Variants in RABGAP1L observed in about 807,000 individuals in gnomAD.
RABGAP1L encodes RAB GTPase activating protein 1 like.
RABGAP1L carries 63 observed loss-of-function variants against 137.7 expected under a neutral mutation model. That is an observed-to-expected ratio of 0.46 (90% CI 0.37 to 0.56). The LOEUF (loss-of-function observed/expected upper bound fraction) is 0.56, where lower values mean the gene tolerates loss of function less well. Ranked by LOEUF, RABGAP1L falls within the 20% of genes least tolerant of loss-of-function variation. The pLI, the probability that RABGAP1L is intolerant of heterozygous loss-of-function variation, is 0.00. For missense variants in RABGAP1L, 1,095 were observed against 1,244.0 expected, an observed-to-expected ratio of 0.88 and a Z score of 1.80; for synonymous variants, 431 against 433.7, an observed-to-expected ratio of 0.99 and a Z score of 0.08.
chr1:174,453,670 A>G (rs1655701488), intron 13 of RABGAP1L, among the ~76,000 whole-genome samples: 1 of 152,130 alleles, frequency 6.6e-6, no homozygotes, highest in Non-Finnish European at 1.5e-5. Flanking sequence ...TTTTAGATTG[A>G]GTGATATGTA....
intron 17 of RABGAP1L, among the ~76,000 whole-genome samples, chr1:174,745,246 C>A (rs1000203012): frequency 5.3e-5 from 8 of 152,158 alleles, no homozygotes; most frequent in African/African-American, 1.9e-4. Flanking sequence ...TATAATTGCA[C>A]TTCTTATATG....
At chr1:174,173,428 C>G (rs1665573977) in intron 1 of RABGAP1L, among the ~76,000 whole-genome samples, 1 of 152,174 alleles carries the variant, frequency 6.6e-6, no homozygotes, top group Admixed American at 6.6e-5. Flanking sequence ...CAGCACCCGG[C>G]TGTTAAAAAG....
rs949675264 is a variant in RABGAP1L, at chr1:174,234,747, C to T, written c.542+3392C>T. Among the ~76,000 whole-genome samples, 103 of 149,784 alleles carry T rather than the reference C, an allele frequency of 6.9e-4. 3 individuals carry two copies. The highest frequency in any genetic ancestry group is 2.3e-3 in the African/African-American group (93 of 40,340). Reference sequence around the variant, plus strand: ...TTGGCTTAGGATTGACTTGGCAATGCGGGCTCTTTTTTGGTTCCATATGAA... The same window carrying T: ...TTGGCTTAGGATTGACTTGGCAATGTGGGCTCTTTTTTGGTTCCATATGAA... On this transcript the variant is annotated intron_variant, in intron 4 of 25. Coordinates refer to ENST00000681986, the MANE Select transcript of RABGAP1L (RefSeq NM_001366446.1).
intron 15 of RABGAP1L, among the ~76,000 whole-genome samples, chr1:174,694,015 A>G (rs1679065490): frequency 6.6e-6 from 1 of 152,202 alleles, no homozygotes; most frequent in Non-Finnish European, 1.5e-5. Flanking sequence ...GTAACAAGTA[A>G]AAATATAAAT....
At chr1:174,419,602 A>G (rs1184263531) in intron 13 of RABGAP1L, among the ~76,000 whole-genome samples, 1 of 152,234 alleles carries the variant, frequency 6.6e-6, no homozygotes, top group East Asian at 1.9e-4. Context: ...TATTGTAAAA[A>G]GATGGACACA....
intron 20 of RABGAP1L, among the ~76,000 whole-genome samples, chr1:174,964,148 A>G (rs1669407752): frequency 6.6e-6 from 1 of 152,202 alleles, no homozygotes; most frequent in African/African-American, 2.4e-5. Flanking sequence ...TGAATATGAT[A>G]GCTGTCAACT....
intron 19 of RABGAP1L, among the ~76,000 whole-genome samples, chr1:174,873,321 G>A (rs1437974577): frequency 2.0e-5 from 3 of 151,772 alleles, no homozygotes; most frequent in Non-Finnish European, 4.4e-5. Context: ...CACCCGCCTC[G>A]GCCTCCAAAA....
At chr1:174,661,155 T>G (rs2148419360) in intron 14 of RABGAP1L, among the ~76,000 whole-genome samples, 1 of 152,320 alleles carries the variant, frequency 6.6e-6, no homozygotes, top group Non-Finnish European at 1.5e-5. Context: ...AGTAAATTTT[T>G]TAACAAACAG....
intron 7 of RABGAP1L, among the ~76,000 whole-genome samples, chr1:174,268,809 C>G (rs1389375090): frequency 1.3e-5 from 2 of 152,064 alleles, no homozygotes; most frequent in African/African-American, 4.8e-5. Flanking sequence ...TGAGTAAACA[C>G]TAAGTATTAC....
intron 12 of RABGAP1L, among the ~76,000 whole-genome samples, chr1:174,391,199 A>C (rs1049952754): frequency 6.6e-6 from 1 of 152,198 alleles, no homozygotes; most frequent in Non-Finnish European, 1.5e-5. Flanking sequence ...GTTGAACTGA[A>C]TTGAGGTAGG....
intron 13 of RABGAP1L, among the ~76,000 whole-genome samples, chr1:174,550,983 C>CATATATATACACATATAT (rs1553330240): frequency 1.2e-5 from 1 of 83,426 alleles, no homozygotes; most frequent in African/African-American, 9.8e-5. Context: ...TGTATATATA[C>CATATATATACACATATAT]ATATATATAT....
intron 4 of RABGAP1L, among the ~76,000 whole-genome samples, chr1:174,240,413 A>T (rs1671707545): frequency 6.6e-6 from 1 of 152,256 alleles, no homozygotes; most frequent in East Asian, 1.9e-4. Context: ...TGCCTGGCTG[A>T]TTTTTGTATT....
At chr1:174,944,567 GT>G (rs1666436211) in intron 19 of RABGAP1L, among the ~76,000 whole-genome samples, 1 of 150,080 alleles carries the variant, frequency 6.7e-6, no homozygotes. Context: ...AGCCTGGAAA[GT>G]CAAGGCTGAA....
chr1:174,681,826 G>A (rs1165329518), intron 14 of RABGAP1L, among the ~76,000 whole-genome samples: 1 of 152,108 alleles, frequency 6.6e-6, no homozygotes, highest in Non-Finnish European at 1.5e-5. Flanking sequence ...GATAAGCCTT[G>A]TCCTAGACAG....
chr1:174,414,678 T>G (rs1650339171), intron 13 of RABGAP1L, among the ~76,000 whole-genome samples: 1 of 152,158 alleles, frequency 6.6e-6, no homozygotes, highest in African/African-American at 2.4e-5. Context: ...AGTTACAAAT[T>G]TTGGTAGAAA....
chr1:174,519,360 C>T (rs911923323), intron 13 of RABGAP1L, among the ~76,000 whole-genome samples: 2 of 151,922 alleles, frequency 1.3e-5, no homozygotes, highest in African/African-American at 4.8e-5. Flanking sequence ...ACTTGGAGTC[C>T]GATGTTTGAG....
At chr1:174,888,292 T>A (rs1332600558) in intron 19 of RABGAP1L, among the ~76,000 whole-genome samples, 2 of 152,192 alleles carry the variant, frequency 1.3e-5, no homozygotes, top group Non-Finnish European at 2.9e-5. Context: ...AAATTTCAGT[T>A]AGAGGTTCAG....
chr1:174,413,230 C>A (rs772657058), intron 13 of RABGAP1L, among the ~76,000 whole-genome samples: 1 of 152,098 alleles, frequency 6.6e-6, no homozygotes, highest in Non-Finnish European at 1.5e-5. Context: ...GAGATTCTTT[C>A]CTCAACATGG....
chr1:174,662,308 TAGTC>T (rs920227491), intron 14 of RABGAP1L, among the ~76,000 whole-genome samples: 28 of 152,188 alleles, frequency 1.8e-4, no homozygotes, highest in African/African-American at 6.5e-4. Context: ...TTCACCATGT[TAGTC>T]AGGCTGATCT....
Sources: allele counts gnomAD v4.1 joint callset (sites outside exome capture counted in the v4.1 genomes callset), GRCh38; gene constraint gnomAD v4.1.1; transcripts MANE v1.5; gene names NCBI Gene and HGNC (gene_info 2026-07-23, HGNC 2026-07-21).